GRIN2A: variants seen among roughly 807,000 people sequenced by gnomAD.
GRIN2A encodes the protein glutamate ionotropic receptor NMDA type subunit 2A.
In GRIN2A, 22 loss-of-function variants were observed where a neutral mutation model predicts 113.4. That is an observed-to-expected ratio of 0.19 (90% CI 0.14 to 0.28). The LOEUF (loss-of-function observed/expected upper bound fraction) is 0.28. GRIN2A is among the 10% of genes least tolerant of loss of function. GRIN2A has a pLI of 1.00. For missense variants in GRIN2A, 1,502 were observed against 1,887.0 expected (o/e 0.80, Z 3.78); for synonymous variants, 827 against 738.4 (o/e 1.12, Z -1.94).
At chr16:9,838,205 G>A (rs1344804541) in intron 7 of GRIN2A, among the ~76,000 whole-genome samples, 13 of 152,112 alleles carry the variant, frequency 8.5e-5, no homozygotes, top group Admixed American at 8.5e-4. Context: ...AAGAAAGTTA[G>A]TTGACTTTAA....
chr16:9,882,955 C>T lies in GRIN2A; in HGVS notation c.1122+8031G>A, dbSNP rs149856602. On this transcript the variant is annotated intron_variant, in intron 4 of 12. Transcript: ENST00000330684. ...CCTAAATTTCTCCTCTAGAATACCT[C>T]CTTCCCGCTGCCAGTTGTTCCACAT... Among the ~76,000 whole-genome samples, 535 of 152,272 alleles carry T rather than the reference C, an allele frequency of 3.5e-3. 2 individuals are homozygous for T. Among genetic ancestry groups the T allele is most frequent in the African/African-American group, 0.012 (515 of 41,554 alleles).
rs575414856 is a variant in GRIN2A at position 10,079,061 on chromosome 16, G to C, written c.414+100937C>G. 6.5e-4 allele frequency among the ~76,000 whole-genome samples: 99 copies of C among 152,260 alleles called. 1 individual carries two copies. Among genetic ancestry groups the C allele is most frequent in the African/African-American group, 2.3e-3 (96 of 41,534 alleles). ...CCTGAGATTTGTTGTGCATCTGTGA[G>C]GACTGAAGGTCCGAGCTCCTTCCTC... On this transcript the variant is annotated intron_variant, in intron 2 of 12. Transcript: ENST00000330684.
intron 3 of GRIN2A, among the ~76,000 whole-genome samples, chr16:9,928,779 C>T (rs557267063): frequency 1.3e-5 from 2 of 152,266 alleles, no homozygotes; most frequent in South Asian, 4.2e-4. Flanking sequence ...CGTCGAGACC[C>T]AAAGCTTCAT....
rs922880478 is a variant in GRIN2A at position 9,975,654 on chromosome 16, C to A, written c.415-37103G>T. ...AAACAGAGGGGAAATACAGAAACAA[C>A]AATAAACATGCCAAACCCAAACACA... On this transcript the variant is annotated intron_variant, in intron 2 of 12. Coordinates refer to ENST00000330684, the MANE Select transcript of GRIN2A (RefSeq NM_001134407.3). 2.0e-5 allele frequency among the ~76,000 whole-genome samples: 3 copies of A among 152,170 alleles called. No homozygotes were observed. In the South Asian group the frequency reaches 6.2e-4, roughly 31 times the overall value.
chr16:9,919,154 C>T (rs1396862896), intron 3 of GRIN2A, among the ~76,000 whole-genome samples: 4 of 152,104 alleles, frequency 2.6e-5, no homozygotes, highest in Non-Finnish European at 5.9e-5. Flanking sequence ...GCCTGAGTGA[C>T]ACAGTGAGAC....
At chr16:10,164,219 G>A (rs933227166) in intron 2 of GRIN2A, among the ~76,000 whole-genome samples, 3 of 152,222 alleles carry the variant, frequency 2.0e-5, no homozygotes, top group African/African-American at 7.2e-5. Flanking sequence ...GAATAAATGT[G>A]AGTCTCACTG....
At chr16:9,880,221 T>C (rs1247630602) in intron 4 of GRIN2A, among the ~76,000 whole-genome samples, 1 of 152,142 alleles carries the variant, frequency 6.6e-6, no homozygotes, top group Non-Finnish European at 1.5e-5. Context: ...TGGGGTTATA[T>C]GTCTGAGGTC....
At chr16:9,965,000 A>T (rs949270186) in intron 2 of GRIN2A, among the ~76,000 whole-genome samples, 3 of 152,224 alleles carry the variant, frequency 2.0e-5, no homozygotes, top group African/African-American at 7.2e-5. Flanking sequence ...AGAGTATGAG[A>T]AGGAAATGCC....
intron 3 of GRIN2A, among the ~76,000 whole-genome samples, chr16:9,905,090 T>C (rs564209806): frequency 3.0e-4 from 46 of 152,308 alleles, no homozygotes; most frequent in Middle Eastern, 3.4e-3. Flanking sequence ...AGTAAACACA[T>C]CACTTCAATA....
chr16:9,869,884 C>A (rs111851054), intron 4 of GRIN2A, among the ~76,000 whole-genome samples: 3,141 of 152,302 alleles, frequency 0.021, 111 homozygotes, highest in African/African-American at 0.068. Flanking sequence ...AAGGTTCCTT[C>A]CCACCTGCAA....
chr16:9,983,971 A>G (rs570892255), intron 2 of GRIN2A, among the ~76,000 whole-genome samples: 2 of 152,356 alleles, frequency 1.3e-5, no homozygotes, highest in African/African-American at 4.8e-5. Flanking sequence ...TAGTATGAGG[A>G]AACTCCATAC....
chr16:10,177,454 T>C (rs2050171000), intron 2 of GRIN2A, among the ~76,000 whole-genome samples: 1 of 152,172 alleles, frequency 6.6e-6, no homozygotes, highest in Non-Finnish European at 1.5e-5. Flanking sequence ...CAAGACCAAC[T>C]CTGAAAGTCC....
intron 2 of GRIN2A, among the ~76,000 whole-genome samples, chr16:10,048,637 A>C (rs1463107355): frequency 1.3e-5 from 2 of 152,176 alleles, no homozygotes; most frequent in Admixed American, 1.3e-4. Context: ...TAGTGTCTCC[A>C]AACACTAACA....
chr16:10,099,730 G>T (rs2048357293), intron 2 of GRIN2A, among the ~76,000 whole-genome samples: 1 of 152,210 alleles, frequency 6.6e-6, no homozygotes, highest in Non-Finnish European at 1.5e-5. Context: ...CTACTTCCTA[G>T]AAGATACCTT....
At chr16:9,972,101 A>G (rs72772155) in intron 2 of GRIN2A, among the ~76,000 whole-genome samples, 12,761 of 152,212 alleles carry the variant, frequency 0.084, 632 homozygotes, top group Non-Finnish European at 0.1. Context: ...CTTGGCATGT[A>G]TATGTAAACT....
intron 2 of GRIN2A, among the ~76,000 whole-genome samples, chr16:10,144,142 G>A (rs1267312981): frequency 1.3e-5 from 2 of 152,016 alleles, no homozygotes; most frequent in Non-Finnish European, 2.9e-5. Context: ...CCATTACGCT[G>A]GTGCTATTAC....
intron 2 of GRIN2A, among the ~76,000 whole-genome samples, chr16:10,107,534 G>A (rs977655399): frequency 2.0e-5 from 3 of 152,188 alleles, no homozygotes; most frequent in Non-Finnish European, 2.9e-5. Flanking sequence ...GCCAGGCCAA[G>A]CTAGCAAATA....
chr16:9,811,933 CATTT>C (rs1288537004), intron 10 of GRIN2A, among the ~76,000 whole-genome samples: 4 of 152,240 alleles, frequency 2.6e-5, no homozygotes, highest in East Asian at 1.9e-4. Context: ...TCCACACATT[CATTT>C]ATTTTCCTTA....
chr16:9,935,397 C>T (rs1032454993), intron 3 of GRIN2A, among the ~76,000 whole-genome samples: 3 of 151,984 alleles, frequency 2.0e-5, no homozygotes, highest in Non-Finnish European at 4.4e-5. Flanking sequence ...AACAGGATTA[C>T]TAAAGAGAGT....
Sources: allele counts gnomAD v4.1 joint callset (sites outside exome capture counted in the v4.1 genomes callset), GRCh38; gene constraint gnomAD v4.1.1; transcripts MANE v1.5; gene names NCBI Gene and HGNC (gene_info 2026-07-23, HGNC 2026-07-21).